KCNMA1: variants seen among roughly 807,000 people sequenced by gnomAD.
KCNMA1 encodes potassium calcium-activated channel subfamily M alpha 1, also known as Calcium-activated potassium channel subunit alpha-1.
In KCNMA1, 29 loss-of-function variants were observed where a neutral mutation model predicts 140.0. The ratio of observed to expected loss-of-function variants is 0.21; its 90% CI spans 0.15 to 0.28. The LOEUF is 0.28. Among genes scored for constraint, KCNMA1 ranks in the 10% least tolerant of loss-of-function variants. KCNMA1 has a pLI of 1.00. For synonymous variants in KCNMA1, 612 were observed against 611.9 expected, an observed-to-expected ratio of 1.00 and a Z score of 0.00; for missense variants, 880 against 1,602.2, an observed-to-expected ratio of 0.55 and a Z score of 7.70.
At chr10:77,618,285 C>T (rs964030402) in intron 1 of KCNMA1, among the ~76,000 whole-genome samples, 2 of 152,166 alleles carry the variant, frequency 1.3e-5, no homozygotes, top group African/African-American at 4.8e-5. Flanking sequence ...AAGTCATTGA[C>T]ATGTTGACCT....
chr10:77,440,944 G>A (rs12269169), intron 1 of KCNMA1, among the ~76,000 whole-genome samples: 15,983 of 151,968 alleles, frequency 0.11, 903 homozygotes, highest in South Asian at 0.16. Flanking sequence ...TCAGCCCTCC[G>A]AGTGGCTGGG....
intron 2 of KCNMA1, among the ~76,000 whole-genome samples, chr10:77,299,473 C>A (rs1044379164): frequency 6.6e-6 from 1 of 152,192 alleles, no homozygotes; most frequent in East Asian, 1.9e-4. Flanking sequence ...CTCTGGCCCC[C>A]CTCCAACGTG....
chr10:77,247,254 A>G (rs1029660835), intron 3 of KCNMA1, among the ~76,000 whole-genome samples: 3 of 152,200 alleles, frequency 2.0e-5, no homozygotes, highest in African/African-American at 7.2e-5. Flanking sequence ...TGAAAATGCA[A>G]ATACCCAGAG....
At chr10:77,383,672 TAC>T (rs1027851829) in intron 2 of KCNMA1, among the ~76,000 whole-genome samples, 3 of 152,212 alleles carry the variant, frequency 2.0e-5, no homozygotes, top group East Asian at 1.9e-4. Context: ...AAGGTTTTTT[TAC>T]AGTCTTTTTT....
intron 4 of KCNMA1, among the ~76,000 whole-genome samples, chr10:77,184,372 G>A (rs1238628748): frequency 3.3e-5 from 5 of 151,964 alleles, no homozygotes; most frequent in South Asian, 2.1e-4. Context: ...GATGCCCGCC[G>A]CCACGCCTGG....
At chr10:77,297,508 T>C (rs755560860) in intron 2 of KCNMA1, among the ~76,000 whole-genome samples, 39 of 152,194 alleles carry the variant, frequency 2.6e-4, no homozygotes, top group South Asian at 4.1e-4. Flanking sequence ...GCATGGTCCA[T>C]GGTGCTGCTT....
chr10:77,303,950 G>A lies in KCNMA1; in HGVS notation c.541-52694C>T, dbSNP rs182910096. ...TTCACATTAAATTTGTTTATCACCCGTCTCAGATACTATCTTTGATATCAG... is the reference window on the plus strand; with the variant it reads ...TTCACATTAAATTTGTTTATCACCCATCTCAGATACTATCTTTGATATCAG... On this transcript the variant is annotated intron_variant, in intron 2 of 27. Transcript: ENST00000286628. Among the ~76,000 whole-genome samples, 238 of 152,248 alleles carry A rather than the reference G, an allele frequency of 1.6e-3. 4 individuals carry two copies. The highest frequency in any genetic ancestry group is 0.014 in the Admixed American group (217 of 15,296).
intron 1 of KCNMA1, among the ~76,000 whole-genome samples, chr10:77,415,941 A>T (rs2096732727): frequency 6.6e-6 from 1 of 152,210 alleles, no homozygotes; most frequent in Non-Finnish European, 1.5e-5. Flanking sequence ...TGTCCTTTTA[A>T]TGAAATGACA....
chr10:77,241,439 C>G (rs967575675), intron 3 of KCNMA1, among the ~76,000 whole-genome samples: 3 of 152,002 alleles, frequency 2.0e-5, no homozygotes, highest in African/African-American at 7.3e-5. Flanking sequence ...AGCACAGGAG[C>G]TTAAAACCAG....
At chr10:76,979,689 A>G (rs1264205038) in intron 19 of KCNMA1, 1 of 152,216 alleles carries the variant, frequency 6.6e-6, no homozygotes, top group African/African-American at 2.4e-5. Context: ...CACTATTATT[A>G]TTAACATTAT....
intron 3 of KCNMA1, among the ~76,000 whole-genome samples, chr10:77,230,402 C>T (rs1324596371): frequency 2.6e-5 from 4 of 152,190 alleles, no homozygotes; most frequent in African/African-American, 2.4e-5. Context: ...CGAATCACCA[C>T]TGTATCGTAC....
chr10:77,251,207 A>T lies in KCNMA1; in HGVS notation c.590T>A (p.Ile197Lys). Residue 197 changes from isoleucine (I) to lysine (K), a missense_variant, in exon 3 of 28, where the codon ATA becomes AAA. Physicochemically the swap from Ile to Lys is moderately radical, Grantham distance 102. This residue lies in a region of KCNMA1 where 198 missense variants were observed against 580.1 expected (regional missense o/e 0.34). Transcript: ENST00000286628. ...TTTGAATACTCACTTTGATGAATCTATGAAGTATATTACAAGTGCACCGAT... is the reference window on the plus strand; with the variant it reads ...TTTGAATACTCACTTTGATGAATCTTTGAAGTATATTACAAGTGCACCGAT... ...LSIGALVIYF[I>K]DSSNPIESCQ... 6.2e-7 allele frequency: 1 copy of T among 1,609,266 alleles called. No homozygotes were observed. The highest frequency in any genetic ancestry group is 8.5e-7 in the Non-Finnish European group (1 of 1,175,750).
At chr10:77,065,832 T>C (rs903701680) in intron 14 of KCNMA1, among the ~76,000 whole-genome samples, 18 of 152,184 alleles carry the variant, frequency 1.2e-4, no homozygotes, top group Non-Finnish European at 2.2e-4. Context: ...TCTAATGCCT[T>C]AGAGGAAAGA....
At chr10:77,069,937 T>C (rs1264250855) in intron 14 of KCNMA1, among the ~76,000 whole-genome samples, 1 of 152,130 alleles carries the variant, frequency 6.6e-6, no homozygotes, top group Non-Finnish European at 1.5e-5. Context: ...GGCTTCAGCT[T>C]CTTGAGTAGC....
At chr10:76,979,589 A>G (rs528062177) in intron 19 of KCNMA1, 5 of 152,156 alleles carry the variant, frequency 3.3e-5, no homozygotes, top group African/African-American at 7.2e-5. Flanking sequence ...GCTTGCCCCA[A>G]TGATTGTGAT....
chr10:77,635,161 C>T (rs1047391513), intron 1 of KCNMA1: 1 of 152,176 alleles, frequency 6.6e-6, no homozygotes, highest in African/African-American at 2.4e-5. Flanking sequence ...TGCCAAAAAC[C>T]TATTTTCTTG....
At chr10:77,307,238 A>T (rs143064360) in intron 2 of KCNMA1, among the ~76,000 whole-genome samples, 1 of 152,288 alleles carries the variant, frequency 6.6e-6, no homozygotes, top group East Asian at 1.9e-4. Flanking sequence ...TCTGGCCTTC[A>T]GAAATTTCTC....
At chr10:76,976,243 C>T (rs2077476257) in intron 19 of KCNMA1, among the ~76,000 whole-genome samples, 1 of 152,152 alleles carries the variant, frequency 6.6e-6, no homozygotes, top group African/African-American at 2.4e-5. Context: ...CTTGTTGGAG[C>T]TTTTGCATTT....
At chr10:77,230,564 T>G (rs560350283) in intron 3 of KCNMA1, among the ~76,000 whole-genome samples, 22 of 152,366 alleles carry the variant, frequency 1.4e-4, no homozygotes, top group African/African-American at 5.3e-4. Context: ...GTCTGTCCAG[T>G]GCGGAATTAC....
Sources: allele counts gnomAD v4.1 joint callset (sites outside exome capture counted in the v4.1 genomes callset), GRCh38; gene constraint gnomAD v4.1.1; regional missense constraint gnomAD v4.1.1; transcripts MANE v1.5; gene names NCBI Gene and HGNC (gene_info 2026-07-23, HGNC 2026-07-21).